Variants in CTBP2 observed in about 807,000 individuals in gnomAD.
The protein encoded by CTBP2 is C-terminal binding protein 2.
CTBP2 carries 30 observed loss-of-function variants against 80.3 expected under a neutral mutation model. The observed-to-expected ratio is 0.37, with a 90% CI of 0.28 to 0.51. CTBP2 has a LOEUF of 0.51. Among genes scored for constraint, CTBP2 ranks in the 20% least tolerant of loss-of-function variants. The pLI is 0.93. For missense variants in CTBP2, 1,212 were observed against 1,375.3 expected (o/e 0.88, Z 1.88); for synonymous variants, 594 against 587.4 (o/e 1.01, Z -0.16).
rs190200540 is a variant in CTBP2 at position 124,986,011 on chromosome 10, C to T, written c.*3507G>A. On this transcript the variant is annotated 3_prime_UTR_variant, in exon 9 of 9. Coordinates refer to ENST00000309035, the MANE Select transcript of CTBP2 (RefSeq NM_022802.3). Reference sequence around the variant, plus strand: ...AGATTTTAAAAATGCAATAAGGTGGCAAATGCATTGTATGAAGAATTTCTC... The same window carrying T: ...AGATTTTAAAAATGCAATAAGGTGGTAAATGCATTGTATGAAGAATTTCTC... 37 of 152,498 alleles carry T rather than the reference C, an allele frequency of 2.4e-4. No individual in the cohort carries two copies. The highest frequency in any genetic ancestry group is 4.4e-5 in the Non-Finnish European group (3 of 68,028). 9.4% of individuals were successfully genotyped at this position (152,498 alleles called of 1,614,324 possible). A position where few individuals can be genotyped will look rare whatever the true frequency, so the allele number is the denominator to read the frequency against.
chr10:125,112,107 CTT>C (rs59148637), intron 1 of CTBP2, among the ~76,000 whole-genome samples: 9,319 of 123,548 alleles, frequency 0.075, 278 homozygotes, highest in African/African-American at 0.099. Context: ...CTGCATTTGA[CTT>C]TTTTTTTTTT....
At chr10:125,048,154 C>T (rs1009835164) in intron 2 of CTBP2, among the ~76,000 whole-genome samples, 34 of 152,002 alleles carry the variant, frequency 2.2e-4, no homozygotes, top group African/African-American at 8.2e-4. Flanking sequence ...CCAATGGAAA[C>T]CCCCACGTGG....
intron 2 of CTBP2, among the ~76,000 whole-genome samples, chr10:125,076,246 C>T (rs1426397872): frequency 2.6e-5 from 4 of 152,234 alleles, no homozygotes; most frequent in Admixed American, 2.0e-4. Context: ...GCTTAAGGCT[C>T]CAACCCTGTC....
chr10:125,054,398 G>A (rs1004173052), intron 2 of CTBP2, among the ~76,000 whole-genome samples: 8 of 152,076 alleles, frequency 5.3e-5, no homozygotes, highest in Non-Finnish European at 1.5e-5. Flanking sequence ...CTGCCCTAAG[G>A]AGAGACCCAC....
rs989616218 is a variant in CTBP2, at chr10:125,102,697, C to T, written c.-102+8293G>A. 2.6e-5 allele frequency among the ~76,000 whole-genome samples: 4 copies of T among 152,230 alleles called. No homozygotes were observed. In the East Asian group the frequency reaches 5.8e-4, roughly 22 times the overall value. On this transcript the variant is annotated intron_variant, in intron 2 of 10. Coordinates refer to the CTBP2 transcript ENST00000337195. Reference sequence around the variant, plus strand: ...TCATCAAAGTGAAGGTTTTTTTTAACAAATGTGGGACTGGGGCCGTCAGTT... The same window carrying T: ...TCATCAAAGTGAAGGTTTTTTTTAATAAATGTGGGACTGGGGCCGTCAGTT...
At chr10:125,124,718 TTA>T (rs1009563608) in intron 1 of CTBP2, among the ~76,000 whole-genome samples, 3 of 152,162 alleles carry the variant, frequency 2.0e-5, no homozygotes, top group African/African-American at 4.8e-5. Flanking sequence ...TTAAACATAT[TTA>T]TGTCTTTGTG....
intron 1 of CTBP2, among the ~76,000 whole-genome samples, chr10:125,012,332 G>A (rs1202072740): frequency 6.6e-6 from 1 of 152,184 alleles, no homozygotes; most frequent in Non-Finnish European, 1.5e-5. Flanking sequence ...ATACCCTCCT[G>A]CTTCCCAACA....
chr10:125,048,932 G>A (rs1961952057), intron 2 of CTBP2, among the ~76,000 whole-genome samples: 1 of 151,920 alleles, frequency 6.6e-6, no homozygotes, highest in South Asian at 2.1e-4. Flanking sequence ...TTTTTTTCCT[G>A]GTAGACACTA....
intron 2 of CTBP2, among the ~76,000 whole-genome samples, chr10:125,070,510 T>C (rs2135445792): frequency 6.6e-6 from 1 of 151,628 alleles, no homozygotes; most frequent in East Asian, 1.9e-4. Flanking sequence ...CGAGCTATGA[T>C]GGGGCCACTA....
chr10:125,041,504 A>ACCCCCC (rs10559259), intron 2 of CTBP2, among the ~76,000 whole-genome samples: 26 of 91,128 alleles, frequency 2.9e-4, no homozygotes, highest in Non-Finnish European at 3.8e-4. Context: ...GTCCATCCCC[A>ACCCCCC]CCCCCCCCCC....
At chr10:125,017,520 C>T (rs925752641) in intron 1 of CTBP2, among the ~76,000 whole-genome samples, 1 of 152,218 alleles carries the variant, frequency 6.6e-6, no homozygotes, top group Admixed American at 6.5e-5. Flanking sequence ...CCTTTTCCTA[C>T]ATTTACTTTT....
At chr10:125,143,413 G>C (rs566272383) in intron 1 of CTBP2, among the ~76,000 whole-genome samples, 37 of 152,332 alleles carry the variant, frequency 2.4e-4, no homozygotes, top group African/African-American at 8.7e-4. Context: ...GGGAGGCAGA[G>C]GTTGCAGTGA....
At chr10:125,045,516 CCTTT>C (rs1406733565) in intron 2 of CTBP2, among the ~76,000 whole-genome samples, 6 of 151,872 alleles carry the variant, frequency 4.0e-5, no homozygotes, top group African/African-American at 9.7e-5. Context: ...CTAGCAGGAC[CCTTT>C]CTTTCTTTTT....
At position 125,027,797 on chromosome 10, in the gene CTBP2, C is replaced by A; in HGVS notation, c.-38G>T. 1 of 1,477,680 alleles carries A rather than the reference C, an allele frequency of 6.8e-7. No homozygotes were observed. Among genetic ancestry groups the A allele is most frequent in the South Asian group, 1.3e-5 (1 of 74,372 alleles). The allele number at this position is 1,477,680 out of a possible 1,614,324, so 91.5% of individuals were successfully genotyped here. ...GACTGCGGATGAGGCAGAGGAGAAG[C>A]TTTTCTTTATAAATCTTCAATTACA... On this transcript the variant is annotated 5_prime_UTR_variant, in exon 1 of 9. Coordinates refer to ENST00000309035, the MANE Select transcript of CTBP2 (RefSeq NM_022802.3).
chr10:125,106,014 C>A (rs1291911083), intron 2 of CTBP2, among the ~76,000 whole-genome samples: 1 of 152,186 alleles, frequency 6.6e-6, no homozygotes, highest in East Asian at 1.9e-4. Context: ...CAAACACACG[C>A]TCCAAGCCTC....
At chr10:125,040,878 C>T (rs1407500610) in intron 2 of CTBP2, among the ~76,000 whole-genome samples, 3 of 152,170 alleles carry the variant, frequency 2.0e-5, no homozygotes, top group Non-Finnish European at 4.4e-5. Flanking sequence ...CATAAAAGAG[C>T]TACGAAAAAG....
At chr10:125,098,668 GA>G (rs1564913619) in intron 2 of CTBP2, among the ~76,000 whole-genome samples, 10 of 85,674 alleles carry the variant, frequency 1.2e-4, no homozygotes, top group Non-Finnish European at 2.2e-4. Flanking sequence ...GAGAGAGAGA[GA>G]GAGAGAGAGA....
At chr10:125,064,481 G>A (rs1006348366) in intron 2 of CTBP2, among the ~76,000 whole-genome samples, 2 of 152,094 alleles carry the variant, frequency 1.3e-5, no homozygotes, top group Non-Finnish European at 2.9e-5. Flanking sequence ...ATCGGTCTCC[G>A]AAGAATAGCA....
At chr10:125,052,228 T>C (rs2938010) in intron 2 of CTBP2, among the ~76,000 whole-genome samples, 2 of 151,906 alleles carry the variant, frequency 1.3e-5, no homozygotes, top group African/African-American at 4.8e-5. Context: ...ATTAAAAAGC[T>C]CCAAGTCAAC....
Sources: allele counts gnomAD v4.1 joint callset (sites outside exome capture counted in the v4.1 genomes callset), GRCh38; gene constraint gnomAD v4.1.1; transcripts MANE v1.5; gene names NCBI Gene and HGNC (gene_info 2026-07-23, HGNC 2026-07-21).